The following PGAM1 variants were observed in gnomAD, a reference collection of about 807,000 sequenced individuals.
PGAM1 encodes the protein BPG-dependent PGAM 1.
In PGAM1, 21 loss-of-function variants were observed where a neutral mutation model predicts 23.5. That is an observed-to-expected ratio of 0.89 (90% CI 0.63 to 1.29). PGAM1 has a LOEUF of 1.29. PGAM1 is among the 50% of genes most tolerant of loss of function. The probability of loss-of-function intolerance (pLI) is 0.00; values close to 1 mark genes in which losing one functional copy is unlikely to be tolerated. For synonymous variants in PGAM1, 109 were observed against 128.6 expected (o/e 0.85, Z 1.03); for missense variants, 232 against 336.3 (o/e 0.69, Z 2.42).
chr10:97,426,503 C>G, intron 1 of PGAM1, 57 bp downstream of exon 1: 1 of 1,501,176 alleles, frequency 6.7e-7, no homozygotes, highest in Non-Finnish European at 8.9e-7. Flanking sequence ...TCGGAGGCCG[C>G]CTGGCTGGCG....
chr10:97,428,503 T>C (rs79806483), intron 1 of PGAM1, among the ~76,000 whole-genome samples: 7,737 of 152,312 alleles, frequency 0.051, 260 homozygotes, highest in East Asian at 0.082. Flanking sequence ...GGCTTTATTC[T>C]CTGATTCTTC....
At chr10:97,429,197 G>A (rs1290969514) in intron 1 of PGAM1, among the ~76,000 whole-genome samples, 2 of 140,080 alleles carry the variant, frequency 1.4e-5, no homozygotes, top group East Asian at 2.3e-4. Context: ...TCCGCCTCCC[G>A]GATTCACGCC....
rs1019995659 is a variant in PGAM1 at position 97,426,226 on chromosome 10, G to C, written c.-82G>C. On this transcript the variant is annotated 5_prime_UTR_variant, in exon 1 of 4. Transcript: ENST00000334828. ...GCGGGAGCCGGACTGAGCGGTGCGA[G>C]CGCGCAGGCGCGGCCGACGGGGCGG... is the stretch of plus-strand genomic sequence containing the variant. The C allele has an allele frequency of 1.3e-6, 2 of 1,598,278 alleles. No individual in the cohort carries two copies. The highest frequency in any genetic ancestry group is 2.2e-5 in the East Asian group (1 of 44,652).
chr10:97,428,628 A>G (rs1472613610), intron 1 of PGAM1, among the ~76,000 whole-genome samples: 2 of 152,190 alleles, frequency 1.3e-5, no homozygotes, highest in Non-Finnish European at 2.9e-5. Flanking sequence ...AACAGCCTGA[A>G]GCTCCCCAGC....
At chr10:97,429,891 C>T (rs538625217) in intron 1 of PGAM1, among the ~76,000 whole-genome samples, 1 of 151,776 alleles carries the variant, frequency 6.6e-6, no homozygotes. Flanking sequence ...ACTAAAAATA[C>T]AAAAATTAGC....
chr10:97,426,297 AG>A lies in PGAM1; in HGVS notation c.-10del. On this transcript the variant is annotated 5_prime_UTR_variant, in exon 1 of 4. Transcript: ENST00000334828. ...TAATCCCAGTCGGTGCCGCATCCCC[AG>A]CCCGCCGCCATGGCCGCCTACAAAC... 6.2e-7 allele frequency: 1 copy of A among 1,609,920 alleles called. No individual in the cohort carries two copies. Among genetic ancestry groups the A allele is most frequent in the Non-Finnish European group, 8.5e-7 (1 of 1,179,202 alleles).
In PGAM1 at chr10:97,432,375, A is replaced by T. The variant is rs1324061268; in HGVS notation, c.616A>T (p.Met206Leu). Residue 206 changes from methionine to leucine, a missense_variant, in exon 4 of 4, where the codon ATG (methionine) becomes TTG (leucine). By Grantham distance (15) the Met-to-Leu change is conservative. Transcript: ENST00000334828. Reference sequence around the variant, plus strand: ...TTCAGGTCTCTCTGAAGAGGCTATCATGGAGCTGAACCTGCCGACTGGTAT... The same window carrying T: ...TTCAGGTCTCTCTGAAGAGGCTATCTTGGAGCTGAACCTGCCGACTGGTAT... Reference protein sequence around the residue: ...HLEGLSEEAIMELNLPTGIPI... With the variant: ...HLEGLSEEAILELNLPTGIPI... The T allele has an allele frequency of 6.2e-7, 1 of 1,611,972 alleles. No homozygotes were observed. Among genetic ancestry groups the T allele is most frequent in the African/African-American group, 1.3e-5 (1 of 74,836 alleles).
At chr10:97,427,268 C>T (rs376538585) in intron 1 of PGAM1, 1 of 986,802 alleles carries the variant, frequency 1.0e-6, no homozygotes, top group Non-Finnish European at 1.2e-6. Flanking sequence ...GGTGGAGGCC[C>T]TGGGGGTGCC....
At chr10:97,426,536 C>T in intron 1 of PGAM1, 90 bp downstream of exon 1, 1 of 1,420,260 alleles carries the variant, frequency 7.0e-7, no homozygotes, top group Middle Eastern at 2.6e-4. Context: ...CGGAGAGGGC[C>T]GGCACCTTGG....
In PGAM1 at chr10:97,430,392, G is replaced by A. The variant is rs1488374332; in HGVS notation, c.153G>A (p.Glu51=). The A allele has an allele frequency of 6.2e-7, 1 of 1,611,778 alleles. No homozygotes were observed. Among genetic ancestry groups the A allele is most frequent in the East Asian group, 2.2e-5 (1 of 44,890 alleles). Residue 51 remains glutamate, a synonymous_variant, in exon 2 of 4, where the codon GAG becomes GAA. Coordinates refer to ENST00000334828, the MANE Select transcript of PGAM1 (RefSeq NM_002629.4). Reference sequence around the variant, plus strand: ...TCTGATTTCCAGATGCTGGCTATGAGTTTGACATCTGCTTCACCTCAGTGC... The same window carrying A: ...TCTGATTTCCAGATGCTGGCTATGAATTTGACATCTGCTTCACCTCAGTGC... ...GGQALRDAGY[E]FDICFTSVQK...
At position 97,430,644 on chromosome 10, in the gene PGAM1, C is replaced by T. The variant is rs764274444; in HGVS notation, c.405C>T (p.Asn135=). The T allele has an allele frequency of 1.2e-6, 2 of 1,603,142 alleles. No homozygotes were observed. The highest frequency in any genetic ancestry group is 1.1e-5 in the South Asian group (1 of 91,082). The change falls in exon 2 of 4, where the codon AAC becomes AAT. Residue 135 remains asparagine, a synonymous_variant. Coordinates refer to ENST00000334828, the MANE Select transcript of PGAM1 (RefSeq NM_002629.4). ...AGCCCGACCATCCTTTCTACAGCAA[C>T]ATCAGTAAGGTATGGACAAACAGAG... ...PMEPDHPFYS[N]ISKDRRYADL...
chr10:97,426,558 C>T, intron 1 of PGAM1, 112 bp downstream of exon 1: 5 of 1,332,642 alleles, frequency 3.8e-6, no homozygotes, highest in Non-Finnish European at 5.0e-6. Flanking sequence ...CAGCATCTCT[C>T]TTAACAGTTT....
At chr10:97,429,862 A>G (rs571037421) in intron 1 of PGAM1, among the ~76,000 whole-genome samples, 249 of 152,294 alleles carry the variant, frequency 1.6e-3, no homozygotes, top group African/African-American at 5.7e-3. Flanking sequence ...TCTGGGCAAC[A>G]TGGTGAAACC....
chr10:97,427,671 C>T (rs533095622), intron 1 of PGAM1: 28 of 1,204,374 alleles, frequency 2.3e-5, no homozygotes, highest in Middle Eastern at 3.1e-4. Context: ...CCGCCCCAGT[C>T]TGCTCTTTGT....
rs113290957 is a variant in PGAM1, at chr10:97,430,536, T to C, written c.297T>C (p.Asn99=). The C allele has an allele frequency of 2.7e-3, 4,304 of 1,600,854 alleles. 126 individuals carry two copies. In the African/African-American group the frequency reaches 0.052, roughly 19 times the overall value. Residue 99 remains asparagine, a synonymous_variant, in exon 2 of 4, where the codon AAT becomes AAC. Coordinates refer to ENST00000334828, the MANE Select transcript of PGAM1 (RefSeq NM_002629.4). ...ACTATGGGGGTCTAACCGGTCTCAA[T>C]AAAGCAGAAACTGCTGCAAAGCATG... ...ERHYGGLTGL[N]KAETAAKHGE... is the part of the protein sequence containing the mutation.
At position 97,430,428 on chromosome 10, in the gene PGAM1, G is replaced by T; in HGVS notation, c.189G>T (p.Ala63=). 1.2e-6 allele frequency: 2 copies of T among 1,610,680 alleles called. No homozygotes were observed. Among genetic ancestry groups the T allele is most frequent in the Non-Finnish European group, 1.7e-6 (2 of 1,179,688 alleles). The change falls in exon 2 of 4, where the codon GCG becomes GCT. Residue 63 remains alanine (A), a synonymous_variant. Coordinates refer to ENST00000334828, the MANE Select transcript of PGAM1 (RefSeq NM_002629.4). The part of the protein sequence containing the change: ...DICFTSVQKR[A]IRTLWTVLDA... Reference sequence around the variant, plus strand: ...GCTTCACCTCAGTGCAGAAGAGAGCGATCCGGACCCTCTGGACAGTGCTAG... The same window carrying T: ...GCTTCACCTCAGTGCAGAAGAGAGCTATCCGGACCCTCTGGACAGTGCTAG...
Position 97,430,573 on chromosome 10 carries a change from G to T in PGAM1, c.334G>T (p.Val112Leu). ...ETAAKHGEAQ[V>L]KIWRRSYDVP... The stretch of plus-strand genomic sequence containing the variant: ...TGCTGCAAAGCATGGTGAGGCCCAG[G>T]TGAAGATCTGGAGGCGCTCCTATGA... Residue 112 changes from valine to leucine, a missense_variant, in exon 2 of 4, where the codon GTG becomes TTG. Around this residue, in one of 3 missense-constraint regions of PGAM1, gnomAD observed 191 missense variants for 241.7 expected, o/e 0.79. Coordinates refer to ENST00000334828, the MANE Select transcript of PGAM1 (RefSeq NM_002629.4). The T allele has an allele frequency of 1.2e-6, 2 of 1,601,298 alleles. No individual in the cohort carries two copies. Among genetic ancestry groups the T allele is most frequent in the Non-Finnish European group, 8.5e-7 (1 of 1,179,920 alleles).
In PGAM1 at chr10:97,433,296, C is replaced by T. The variant is rs1845492039; in HGVS notation, c.*772C>T. 6.6e-6 allele frequency: 1 copy of T among 151,476 alleles called. No homozygotes were observed. Among genetic ancestry groups the T allele is most frequent in the African/African-American group, 2.4e-5 (1 of 41,020 alleles). 9.4% of individuals were successfully genotyped at this position (151,476 alleles called of 1,614,324 possible). On this transcript the variant is annotated 3_prime_UTR_variant, in exon 4 of 4. Coordinates refer to ENST00000334828, the MANE Select transcript of PGAM1 (RefSeq NM_002629.4). ...CTTGTTTCATGGCAGTGAAATGCCT[C>T]TTGGTCCTGTCCAAGTGTATCTTTC... is the stretch of plus-strand genomic sequence containing the variant.
rs773608081 is a variant in PGAM1 at position 97,430,459 on chromosome 10, A to G, written c.220A>G (p.Ile74Val). 12 of 1,606,954 alleles carry G rather than the reference A, an allele frequency of 7.5e-6. No individual in the cohort carries two copies. The highest frequency in any genetic ancestry group is 1.1e-5 in the South Asian group (1 of 90,980). ...IRTLWTVLDA[I>V]DQMWLPVVRT... ...GACCCTCTGGACAGTGCTAGATGCC[A>G]TTGATCAGATGTGGCTGCCAGTGGT... The change falls in exon 2 of 4, where the codon ATT (isoleucine) becomes GTT (valine). Residue 74 changes from isoleucine to valine, a missense_variant. This residue lies in a region of PGAM1 where 191 missense variants were observed against 241.7 expected (regional missense o/e 0.79). Coordinates refer to ENST00000334828, the MANE Select transcript of PGAM1 (RefSeq NM_002629.4).
Sources: gnomAD v4.1 joint callset for allele counts (sites outside exome capture counted in the v4.1 genomes callset) on GRCh38, gnomAD v4.1.1 for gene constraint, gnomAD v4.1.1 regional missense constraint, MANE v1.5 for transcripts, NCBI Gene and HGNC (gene_info 2026-07-23, HGNC 2026-07-21) for gene names.